CTSB: variants seen among roughly 807,000 people sequenced by gnomAD.
The protein encoded by CTSB is cathepsin B, also known as APP secretase.
In CTSB, 57 loss-of-function variants were observed where a neutral mutation model predicts 44.3. The ratio of observed to expected loss-of-function variants is 1.29; its 90% CI spans 1.04 to 1.60. CTSB has a LOEUF of 1.60. Ranked by LOEUF, CTSB falls within the 40% of genes most tolerant of loss-of-function variation. The probability of loss-of-function intolerance (pLI) is 0.00; values close to 1 mark genes in which losing one functional copy is unlikely to be tolerated. For synonymous variants in CTSB, 320 were observed against 168.0 expected, an observed-to-expected ratio of 1.91 and a Z score of -7.00; for missense variants, 768 against 443.0, an observed-to-expected ratio of 1.73 and a Z score of -6.59.
At chr8:11,855,798 G>C (rs999111559) in intron 1 of CTSB, among the ~76,000 whole-genome samples, 1 of 151,910 alleles carries the variant, frequency 6.6e-6, no homozygotes, top group Non-Finnish European at 1.5e-5. Context: ...CAGGTGGATC[G>C]CCTGAGGTCA....
chr8:11,845,331 T>A, intron 9 of CTSB, 109 bp from the exon 10 acceptor site: 1 of 836,944 alleles, frequency 1.2e-6, no homozygotes, highest in Non-Finnish European at 1.9e-6. Context: ...CTCCTGCTGT[T>A]GGCCCACTAG....
chr8:11,846,963 C>A, intron 8 of CTSB, 89 bp downstream of exon 8: 1 of 749,394 alleles, frequency 1.3e-6, no homozygotes, highest in Non-Finnish European at 2.4e-6. Flanking sequence ...CCTGCCCAAT[C>A]CAGCCCTATT....
chr8:11,859,989 T>G (rs1432707680), intron 1 of CTSB, among the ~76,000 whole-genome samples: 1 of 145,656 alleles, frequency 6.9e-6, no homozygotes, highest in African/African-American at 2.5e-5. Flanking sequence ...GGAAAATTGC[T>G]TGAACCCAGG....
Position 11,849,174 on chromosome 8 carries a change from C to A in CTSB, c.328-10G>T, listed in dbSNP as rs79702619. The stretch of plus-strand genomic sequence containing the variant: ...CCACAGCCCCGAAGGCCTGCAGGAA[C>A]GAGCCCCACCGGGTGAGGCTGCCAT... On this transcript the variant is annotated splice_polypyrimidine_tract_variant and intron_variant, in intron 4 of 9. Coordinates refer to ENST00000353047, the MANE Select transcript of CTSB (RefSeq NM_001908.5). 6.1e-4 allele frequency: 987 copies of A among 1,608,466 alleles called. 9 individuals are homozygous for A. The African/African-American group carries it at 0.012, about 19-fold the overall frequency.
chr8:11,867,758 G>A (rs1817380480), intron 1 of CTSB: 1 of 152,282 alleles, frequency 6.6e-6, no homozygotes, highest in East Asian at 1.9e-4. Context: ...GGAGGGCAGA[G>A]GGCTGGCGGG....
chr8:11,855,926 G>C (rs947016746), intron 1 of CTSB, among the ~76,000 whole-genome samples: 1 of 152,016 alleles, frequency 6.6e-6, no homozygotes, highest in Non-Finnish European at 1.5e-5. Context: ...GCTGAGACAG[G>C]AGAATTGCTT....
intron 1 of CTSB, among the ~76,000 whole-genome samples, chr8:11,861,161 C>G (rs1251145798): frequency 6.6e-6 from 1 of 152,252 alleles, no homozygotes; most frequent in African/African-American, 2.4e-5. Flanking sequence ...TCGGTCTCAT[C>G]AGTCCCCTGA....
At chr8:11,859,219 C>G (rs1176627189) in intron 1 of CTSB, among the ~76,000 whole-genome samples, 1 of 152,182 alleles carries the variant, frequency 6.6e-6, no homozygotes, top group Non-Finnish European at 1.5e-5. Context: ...CACCCCGGCT[C>G]TGTAGAACGT....
rs1045087751 is a variant in CTSB at position 11,845,082 on chromosome 8, C to T, written c.*43G>A. Reference sequence around the variant, plus strand: ...CTTAAAGAATAAAATGCATTTCTACCCCGATCTCGCCCCCAGGACTGGCAC... The same window carrying T: ...CTTAAAGAATAAAATGCATTTCTACTCCGATCTCGCCCCCAGGACTGGCAC... On this transcript the variant is annotated 3_prime_UTR_variant, in exon 10 of 10. Transcript: ENST00000353047. The T allele has an allele frequency of 5.4e-6, 7 of 1,294,246 alleles. No homozygotes were observed. The highest frequency in any genetic ancestry group is 3.6e-5 in the South Asian group (3 of 84,378). 80.2% of individuals were successfully genotyped at this position (1,294,246 alleles called of 1,614,324 possible).
chr8:11,861,558 C>T lies in CTSB; in HGVS notation c.-26+6443G>A, dbSNP rs1874547. 4.8e-3 allele frequency: 736 copies of T among 152,406 alleles called. 9 individuals carry two copies. In the East Asian group the frequency reaches 0.059, roughly 12 times the overall value. The allele number at this position is 152,406 out of a possible 1,614,324, so 9.4% of individuals were successfully genotyped here. On this transcript the variant is annotated intron_variant, in intron 1 of 9. Coordinates refer to ENST00000353047, the MANE Select transcript of CTSB (RefSeq NM_001908.5). ...CAAAATGACTACTGTACACTTGAAA[C>T]AGCAGACACTACGAAGGCCCTCAGC...
At chr8:11,852,404 A>T (rs1230843771) in intron 3 of CTSB, among the ~76,000 whole-genome samples, 2 of 152,152 alleles carry the variant, frequency 1.3e-5, no homozygotes, top group Admixed American at 6.5e-5. Flanking sequence ...CTTCTCTACT[A>T]ATAACTTGAG....
chr8:11,848,061 A>G lies in CTSB; in HGVS notation c.532+6T>C, dbSNP rs760431864. On this transcript the variant is annotated splice_donor_region_variant and intron_variant, in intron 6 of 9. Transcript: ENST00000353047. Reference sequence around the variant, plus strand: ...GGCCAGAAAGTGGCCAAGGGGACACACTTACCTACATGGGATTCATAGAGG... The same window carrying G: ...GGCCAGAAAGTGGCCAAGGGGACACGCTTACCTACATGGGATTCATAGAGG... 2 of 1,608,698 alleles carry G rather than the reference A, an allele frequency of 1.2e-6. No individual in the cohort carries two copies. Among genetic ancestry groups the G allele is most frequent in the East Asian group, 4.5e-5 (2 of 44,850 alleles).
At chr8:11,852,779 G>A in intron 2 of CTSB, 84 bp from the exon 3 acceptor site, 1 of 1,329,592 alleles carries the variant, frequency 7.5e-7, no homozygotes, top group South Asian at 1.2e-5. Flanking sequence ...GCCCAACCCA[G>A]GGAAAACCAG....
In CTSB at chr8:11,847,789, T is replaced by G; in HGVS notation, c.566A>C (p.His189Pro). Residue 189 changes from histidine to proline, a missense_variant, in exon 7 of 10, where the codon CAC becomes CCC. Transcript: ENST00000353047. Reference sequence around the variant, plus strand: ...TGGGGGCCGGGAGCCGTTGACGTGGTGCTCACAGGGAGGGATGGAGTACGG... The same window carrying G: ...TGGGGGCCGGGAGCCGTTGACGTGGGGCTCACAGGGAGGGATGGAGTACGG... ...CRPYSIPPCE[H>P]HVNGSRPPCT... 6.3e-7 allele frequency: 1 copy of G among 1,598,866 alleles called. No homozygotes were observed.
rs568365117 is a variant in CTSB, at chr8:11,847,559, T to C, written c.676+120A>G. The C allele has an allele frequency of 1.1e-5, 12 of 1,123,480 alleles. No homozygotes were observed. The South Asian group carries it at 2.1e-4, about 20-fold the overall frequency. 69.6% of individuals were successfully genotyped at this position (1,123,480 alleles called of 1,614,324 possible). On this transcript the variant is annotated intron_variant, in intron 7 of 9. Transcript: ENST00000353047. ...CAAGAGGGCATCACTCCCCCTCCTC[T>C]ATCCTAGAGTTCCGGGACCCCAAGG...
chr8:11,862,536 G>T (rs1410089597), intron 1 of CTSB: 2 of 152,238 alleles, frequency 1.3e-5, no homozygotes, highest in African/African-American at 4.8e-5. Flanking sequence ...CTTAAAAGTT[G>T]ATTTGTTCTG....
chr8:11,849,209 G>T, intron 4 of CTSB, 45 bp from the exon 5 acceptor site: 2 of 1,544,310 alleles, frequency 1.3e-6, no homozygotes, highest in Non-Finnish European at 1.8e-6. Flanking sequence ...TGTCCGGGCT[G>T]GGCCCTCTGC....
At position 11,856,847 on chromosome 8, in the gene CTSB, ACTTTT is replaced by A. The variant is rs1462420597; in HGVS notation, c.-25-3373_-25-3369del. Among the ~76,000 whole-genome samples, 4 of 130,978 alleles carry A rather than the reference ACTTTT, an allele frequency of 3.1e-5. No homozygotes were observed. The East Asian group carries it at 1.0e-3, about 33-fold the overall frequency. 85.9% of individuals were successfully genotyped at this position (130,978 alleles called of 152,430 possible). A position where few individuals can be genotyped will look rare whatever the true frequency, so the allele number is the denominator to read the frequency against. Reference sequence around the variant, plus strand: ...AGACTTTTTTTCACAACATACCCTTACTTTTAAGAAAAAAAAAAAAGTGAGTATGT... The same window carrying A: ...AGACTTTTTTTCACAACATACCCTTAAAGAAAAAAAAAAAAGTGAGTATGT... On this transcript the variant is annotated intron_variant, in intron 1 of 9. Transcript: ENST00000353047.
rs146909557 is a variant in CTSB, at chr8:11,845,734, C to G, written c.849G>C (p.Leu283=). Residue 283 remains leucine, a synonymous_variant, in exon 9 of 10, where the codon CTG becomes CTC. Coordinates refer to ENST00000353047, the MANE Select transcript of CTSB (RefSeq NM_001908.5). ...GTGTGCCATTCTCCACTCCCCAGCC[C>G]AGGATGCGGATGGCATGGCCACCCA... The part of the protein sequence containing the change: ...EMMGGHAIRI[L]GWGVENGTPY... 1.9e-6 allele frequency: 3 copies of G among 1,614,160 alleles called. No individual in the cohort carries two copies. The South Asian group carries it at 3.3e-5, about 18-fold the overall frequency.
Sources: gnomAD v4.1 joint callset for allele counts (sites outside exome capture counted in the v4.1 genomes callset) on GRCh38, gnomAD v4.1.1 for gene constraint, MANE v1.5 for transcripts, NCBI Gene and HGNC (gene_info 2026-07-23, HGNC 2026-07-21) for gene names.